CR1: variants seen among roughly 807,000 people sequenced by gnomAD.
CR1 encodes complement receptor type 1.
In CR1, 116 loss-of-function variants were observed where a neutral mutation model predicts 187.3. The observed-to-expected ratio is 0.62, with a 90% CI of 0.53 to 0.72. The LOEUF (loss-of-function observed/expected upper bound fraction) is 0.72, where lower values mean the gene tolerates loss of function less well. Ranked by LOEUF, CR1 falls within the 30% of genes least tolerant of loss-of-function variation. CR1 has a pLI of 0.00. For missense variants in CR1, 1,731 were observed against 2,110.7 expected (o/e 0.82, Z 3.52); for synonymous variants, 576 against 747.1 (o/e 0.77, Z 3.73).
intron 4 of CR1, among the ~76,000 whole-genome samples, chr1:207,513,127 A>G (rs763374633): frequency 6.6e-6 from 1 of 152,248 alleles, no homozygotes; most frequent in African/African-American, 2.4e-5. Flanking sequence ...ACTTATACAA[A>G]TCAAGTAACA....
chr1:207,596,191 T>G (rs1661437251), intron 35 of CR1, among the ~76,000 whole-genome samples: 1 of 151,794 alleles, frequency 6.6e-6, no homozygotes, highest in Non-Finnish European at 1.5e-5. Context: ...TGTCTCTCTT[T>G]TGGGAAACTA....
intron 1 of CR1, among the ~76,000 whole-genome samples, chr1:207,500,749 C>A (rs896500390): frequency 6.6e-6 from 1 of 152,212 alleles, no homozygotes; most frequent in Admixed American, 6.5e-5. Flanking sequence ...ACACACTCAA[C>A]ATTTTACTCT....
intron 37 of CR1, among the ~76,000 whole-genome samples, chr1:207,610,495 G>A (rs998878178): frequency 6.6e-6 from 1 of 151,970 alleles, no homozygotes; most frequent in Non-Finnish European, 1.5e-5. Context: ...ACCACACCTG[G>A]CTAATTTTTA....
chr1:207,518,028 G>A (rs1425393539), intron 4 of CR1, among the ~76,000 whole-genome samples: 2 of 151,922 alleles, frequency 1.3e-5, no homozygotes, highest in South Asian at 2.1e-4. Flanking sequence ...TATTCCTCCA[G>A]TCCTAAATTC....
chr1:207,497,409 G>T (rs183362322), intron 1 of CR1, among the ~76,000 whole-genome samples: 10 of 152,206 alleles, frequency 6.6e-5, no homozygotes, highest in African/African-American at 2.4e-4. Context: ...TGACAGTCTT[G>T]GTTGTTTTTG....
Position 207,609,421 on chromosome 1 carries a change from C to T in CR1, c.6028C>T (p.Leu2010Phe). The T allele has an allele frequency of 6.2e-7, 1 of 1,613,972 alleles. No homozygotes were observed. The highest frequency in any genetic ancestry group is 8.5e-7 in the Non-Finnish European group (1 of 1,179,880). The change falls in exon 37 of 47, where the codon CTT becomes TTT. Residue 2010 changes from leucine (L) to phenylalanine (F), a missense_variant. Leu to Phe is a conservative substitution (Grantham distance 22). Coordinates refer to ENST00000367049, the MANE Select transcript of CR1 (RefSeq NM_000651.6). The stretch of plus-strand genomic sequence containing the variant: ...ACCAGATGGAGAACAGCTGTTTGAG[C>T]TTGTGGGAGAACGGTCAATATATTG... ...TGPDGEQLFE[L>F]VGERSIYCTS... is the part of the protein sequence containing the mutation.
At chr1:207,514,531 G>A (rs1168954701) in intron 4 of CR1, among the ~76,000 whole-genome samples, 1 of 152,118 alleles carries the variant, frequency 6.6e-6, no homozygotes, top group Non-Finnish European at 1.5e-5. Flanking sequence ...ACCATGGGAG[G>A]AGATGCTGAA....
intron 28 of CR1, among the ~76,000 whole-genome samples, chr1:207,576,753 G>A (rs893639536): frequency 2.6e-5 from 4 of 152,112 alleles, no homozygotes; most frequent in African/African-American, 4.8e-5. Flanking sequence ...CAGAGAGGTC[G>A]AGGCTGCAAT....
intron 4 of CR1, among the ~76,000 whole-genome samples, chr1:207,515,163 A>G (rs1372972514): frequency 1.3e-4 from 3 of 23,046 alleles, no homozygotes; most frequent in African/African-American, 2.7e-4. Context: ...ATACATATAC[A>G]TATATAGGTA....
chr1:207,597,489 A>G (rs2102367704), intron 35 of CR1, among the ~76,000 whole-genome samples: 1 of 152,376 alleles, frequency 6.6e-6, no homozygotes, highest in East Asian at 1.9e-4. Flanking sequence ...TAAACACATC[A>G]AAAGATGTTC....
intron 44 of CR1, among the ~76,000 whole-genome samples, chr1:207,622,580 T>A (rs1662345705): frequency 6.6e-6 from 1 of 152,230 alleles, no homozygotes; most frequent in African/African-American, 2.4e-5. Flanking sequence ...CTGTGGAGAC[T>A]GTGCACTTTA....
chr1:207,525,031 G>A (rs1355607053), intron 5 of CR1, among the ~76,000 whole-genome samples: 4 of 152,060 alleles, frequency 2.6e-5, no homozygotes, highest in Non-Finnish European at 5.9e-5. Context: ...TAAAGAGGAA[G>A]CACGCATATC....
At chr1:207,581,885 C>G in intron 31 of CR1, 33 bp from the exon 32 acceptor site, 1 of 1,430,776 alleles carries the variant, frequency 7.0e-7, no homozygotes, top group Admixed American at 1.7e-5. Context: ...AGAAATGGTG[C>G]ATTCATCCAG....
At chr1:207,601,109 A>G (rs1661592485) in intron 35 of CR1, among the ~76,000 whole-genome samples, 1 of 152,116 alleles carries the variant, frequency 6.6e-6, no homozygotes, top group Admixed American at 6.5e-5. Flanking sequence ...AAAAAATCAT[A>G]GAAATTATAA....
intron 23 of CR1, among the ~76,000 whole-genome samples, chr1:207,565,248 A>G: frequency 6.7e-6 from 1 of 150,188 alleles, no homozygotes; most frequent in East Asian, 1.9e-4. Flanking sequence ...GGTCCAAAAG[A>G]CTGAGAATTT....
rs369110367 is a variant in CR1 at position 207,578,061 on chromosome 1, G to A, written c.4794G>A (p.Leu1598=). ...CTCCAAATGTGGAAAATGGAATATT[G>A]GTATCTGACAACAGAAGCTTATTTT... The part of the protein sequence containing the change: ...CTPPNVENGI[L]VSDNRSLFSL... The change falls in exon 29 of 47, where the codon TTG becomes TTA. Residue 1598 remains leucine (L), a synonymous_variant. Transcript: ENST00000367049. The A allele has an allele frequency of 3.1e-6, 5 of 1,611,628 alleles. No homozygotes were observed. Among genetic ancestry groups the A allele is most frequent in the Non-Finnish European group, 4.2e-6 (5 of 1,179,600 alleles).
At chr1:207,602,162 A>G (rs1043340109) in intron 35 of CR1, among the ~76,000 whole-genome samples, 3 of 152,162 alleles carry the variant, frequency 2.0e-5, no homozygotes, top group African/African-American at 7.2e-5. Context: ...GGACATATTT[A>G]AAACCACCAC....
rs1660480312 is a variant in CR1, at chr1:207,565,915, T to C, written c.3944T>C (p.Val1315Ala). The change falls in exon 24 of 47, where the codon GTG becomes GCG. Residue 1315 changes from valine (V) to alanine (A), a missense_variant. By Grantham distance (64) the Val-to-Ala change is moderately conservative. Transcript: ENST00000367049. ...MESLWNSSVP[V>A]CEQIFCPSPP... The stretch of plus-strand genomic sequence containing the variant: ...AGCCTTTGGAATAGCAGTGTTCCAG[T>C]GTGTGAACGTGAGTAATAGGAGCAA... The C allele has an allele frequency of 6.2e-7, 1 of 1,611,060 alleles. No homozygotes were observed. Among genetic ancestry groups the C allele is most frequent in the African/African-American group, 1.4e-5 (1 of 72,414 alleles).
Position 207,639,597 on chromosome 1 carries a change from G to A in CR1, c.*188G>A, listed in dbSNP as rs894125866. 51 of 577,348 alleles carry A rather than the reference G, an allele frequency of 8.8e-5. No individual in the cohort carries two copies. Among genetic ancestry groups the A allele is most frequent in the African/African-American group, 2.2e-4 (12 of 53,562 alleles). 35.8% of individuals were successfully genotyped at this position (577,348 alleles called of 1,614,324 possible). A position where few individuals can be genotyped will look rare whatever the true frequency, so the allele number is the denominator to read the frequency against. ...GCAAAGCTCCTGCCTCTTTGTGTGCGTCACTGTGAAACCCCCACCCTTCTG... is the reference window on the plus strand; with the variant it reads ...GCAAAGCTCCTGCCTCTTTGTGTGCATCACTGTGAAACCCCCACCCTTCTG... On this transcript the variant is annotated 3_prime_UTR_variant, in exon 47 of 47. Coordinates refer to ENST00000367049, the MANE Select transcript of CR1 (RefSeq NM_000651.6).
Sources: allele counts gnomAD v4.1 joint callset (sites outside exome capture counted in the v4.1 genomes callset), GRCh38; gene constraint gnomAD v4.1.1; transcripts MANE v1.5; gene names NCBI Gene and HGNC (gene_info 2026-07-23, HGNC 2026-07-21).